RELN: variants seen among roughly 807,000 people sequenced by gnomAD.
RELN encodes the protein reelin.
A neutral mutation model predicts 427.6 loss-of-function variants in RELN; 108 were observed. That is an observed-to-expected ratio of 0.25 (90% confidence interval 0.22 to 0.30). The LOEUF (loss-of-function observed/expected upper bound fraction) is 0.30, where lower values mean the gene tolerates loss of function less well. Ranked by LOEUF, RELN falls within the 10% of genes least tolerant of loss-of-function variation. The pLI is 1.00. For missense variants in RELN, 3,715 were observed against 4,302.8 expected (o/e 0.86, Z 3.82); for synonymous variants, 1,524 against 1,513.4 (o/e 1.01, Z -0.16).
intron 2 of RELN, among the ~76,000 whole-genome samples, chr7:103,849,745 A>C (rs1289702664): frequency 6.6e-6 from 1 of 152,244 alleles, no homozygotes; most frequent in African/African-American, 2.4e-5. Flanking sequence ...CCTTGAGGTA[A>C]AGATGGTTTT....
intron 1 of RELN, among the ~76,000 whole-genome samples, chr7:103,930,857 G>A (rs973559091): frequency 7.5e-6 from 1 of 133,762 alleles, no homozygotes; most frequent in Non-Finnish European, 1.6e-5. Context: ...ATGCTTCTTG[G>A]GTGTGAGCAT....
chr7:103,686,542 G>C lies in RELN; in HGVS notation c.1144-4281C>G, dbSNP rs1181562666. ...TGAGATATGAGGAACACAGGAAAGAGAAATAAGATGAATAAAATTAATTAA... is the reference window on the plus strand; with the variant it reads ...TGAGATATGAGGAACACAGGAAAGACAAATAAGATGAATAAAATTAATTAA... On this transcript the variant is annotated intron_variant, in intron 10 of 64. Transcript: ENST00000428762. Among the ~76,000 whole-genome samples, 2 of 151,920 alleles carry C rather than the reference G, an allele frequency of 1.3e-5. 1 individual carries two copies. The highest frequency in any genetic ancestry group is 3.9e-4 in the East Asian group (2 of 5,186).
Position 103,737,116 on chromosome 7 carries a change from T to C in RELN, c.657-8909A>G, listed in dbSNP as rs1207006098. ...CCATTAAACTCCAAATATTAAATGA[T>C]AATTCCATAACCTGAAAATGCACAG... On this transcript the variant is annotated intron_variant, in intron 6 of 64. Coordinates refer to ENST00000428762, the MANE Select transcript of RELN (RefSeq NM_005045.4). 2.0e-5 allele frequency among the ~76,000 whole-genome samples: 3 copies of C among 152,016 alleles called. No individual in the cohort carries two copies. The East Asian group carries it at 5.8e-4, about 29-fold the overall frequency.
At chr7:103,528,484 G>GT (rs35464860) in intron 46 of RELN, among the ~76,000 whole-genome samples, 15,412 of 148,652 alleles carry the variant, frequency 0.1, 1,140 homozygotes, top group East Asian at 0.24. Flanking sequence ...AACCCTGTGG[G>GT]TTTTTTTTTT....
chr7:103,908,458 GC>G (rs1423316541), intron 2 of RELN, among the ~76,000 whole-genome samples: 4 of 152,222 alleles, frequency 2.6e-5, no homozygotes, highest in African/African-American at 7.2e-5. Context: ...TAAGTATGTT[GC>G]TCAAGTTAGC....
chr7:103,538,561 G>T (rs1270243715), intron 45 of RELN, among the ~76,000 whole-genome samples: 2 of 152,058 alleles, frequency 1.3e-5, no homozygotes, highest in African/African-American at 4.8e-5. Context: ...AAAAATATAG[G>T]CAAAATGGGA....
chr7:103,858,107 G>C (rs1039512657), intron 2 of RELN, among the ~76,000 whole-genome samples: 1 of 151,986 alleles, frequency 6.6e-6, no homozygotes, highest in Non-Finnish European at 1.5e-5. Context: ...TTGTTCAATA[G>C]TCTCTACAGG....
At chr7:103,686,581 G>C (rs192709814) in intron 10 of RELN, among the ~76,000 whole-genome samples, 1 of 152,058 alleles carries the variant, frequency 6.6e-6, no homozygotes, top group Non-Finnish European at 1.5e-5. Context: ...GGCATTGTTG[G>C]CAGAGTCATA....
chr7:103,773,801 A>G (rs1291475945), intron 4 of RELN, among the ~76,000 whole-genome samples: 1 of 151,898 alleles, frequency 6.6e-6, no homozygotes, highest in Non-Finnish European at 1.5e-5. Flanking sequence ...CTCACTACCC[A>G]TTCAGGTCTA....
At chr7:103,874,549 C>T (rs1330530812) in intron 2 of RELN, among the ~76,000 whole-genome samples, 1 of 146,156 alleles carries the variant, frequency 6.8e-6, no homozygotes, top group Non-Finnish European at 1.5e-5. Context: ...CACAAGCATT[C>T]TGATACACCA....
At chr7:103,866,544 T>G (rs1794201752) in intron 2 of RELN, among the ~76,000 whole-genome samples, 1 of 152,124 alleles carries the variant, frequency 6.6e-6, no homozygotes, top group Admixed American at 6.6e-5. Context: ...GTAAATCATT[T>G]AGGTAATCAA....
chr7:103,685,981 A>G (rs987735627), intron 10 of RELN, among the ~76,000 whole-genome samples: 1 of 152,188 alleles, frequency 6.6e-6, no homozygotes, highest in African/African-American at 2.4e-5. Context: ...TACTTGTAAA[A>G]GTGCTTACAT....
chr7:103,989,411 T>A lies in RELN; in HGVS notation c.-55A>T. 1 of 1,354,244 alleles carries A rather than the reference T, an allele frequency of 7.4e-7. No individual in the cohort carries two copies. Among genetic ancestry groups the A allele is most frequent in the South Asian group, 1.8e-5 (1 of 55,048 alleles). The allele number at this position is 1,354,244 out of a possible 1,614,324, so 83.9% of individuals were successfully genotyped here. A position where few individuals can be genotyped will look rare whatever the true frequency, so the allele number is the denominator to read the frequency against. ...CCCTACGCGCCGCTCGCTCATTCAGTTTTGGAGACGCCGGGACGGAGGAGC... is the reference window on the plus strand; with the variant it reads ...CCCTACGCGCCGCTCGCTCATTCAGATTTGGAGACGCCGGGACGGAGGAGC... On this transcript the variant is annotated 5_prime_UTR_variant, in exon 1 of 65. Coordinates refer to ENST00000428762, the MANE Select transcript of RELN (RefSeq NM_005045.4). This position sits in a 1 kb window ranked among gnomAD's most constrained non-coding sequence, Gnocchi z 4.9.
chr7:103,595,617 T>C (rs1028431298), intron 25 of RELN, among the ~76,000 whole-genome samples: 2 of 152,138 alleles, frequency 1.3e-5, no homozygotes, highest in Non-Finnish European at 2.9e-5. Context: ...TAATTTTTTT[T>C]CAATAAACAA....
At chr7:103,944,233 A>T (rs1009553241) in intron 1 of RELN, among the ~76,000 whole-genome samples, 1 of 152,246 alleles carries the variant, frequency 6.6e-6, no homozygotes, top group Non-Finnish European at 1.5e-5. Flanking sequence ...ATAAATCATA[A>T]GAAAAAACTG....
chr7:103,729,041 T>G (rs1283979522), intron 6 of RELN, among the ~76,000 whole-genome samples: 1 of 152,202 alleles, frequency 6.6e-6, no homozygotes, highest in African/African-American at 2.4e-5. Flanking sequence ...TATTCTGGAC[T>G]TGACCTTGTA....
At chr7:103,781,272 A>G (rs1053276329) in intron 3 of RELN, among the ~76,000 whole-genome samples, 1 of 152,156 alleles carries the variant, frequency 6.6e-6, no homozygotes, top group East Asian at 1.9e-4. Context: ...AGAGCTGTCA[A>G]ATAATTCATG....
intron 45 of RELN, among the ~76,000 whole-genome samples, chr7:103,538,596 G>A (rs1484533905): frequency 2.0e-5 from 3 of 151,972 alleles, no homozygotes; most frequent in Non-Finnish European, 4.4e-5. Flanking sequence ...TCATTTGGGG[G>A]GATATAGAGA....
chr7:103,885,206 GC>G (rs1240292316), intron 2 of RELN, among the ~76,000 whole-genome samples: 1 of 152,078 alleles, frequency 6.6e-6, no homozygotes, highest in Non-Finnish European at 1.5e-5. Flanking sequence ...AGGCATGGTA[GC>G]GGGTGCCTGT....
Sources: gnomAD v4.1 joint callset for allele counts (sites outside exome capture counted in the v4.1 genomes callset) on GRCh38, gnomAD v4.1.1 for gene constraint, Gnocchi (gnomAD v3.1) non-coding constraint, MANE v1.5 for transcripts, NCBI Gene and HGNC (gene_info 2026-07-23, HGNC 2026-07-21) for gene names.